The following SYNJ1 variants were observed in gnomAD, a reference collection of about 807,000 sequenced individuals.
SYNJ1 encodes the protein synaptojanin 1.
Under a neutral mutation model 168.2 loss-of-function variants are expected in SYNJ1, and 78 were observed. The ratio of observed to expected loss-of-function variants is 0.46; its 90% CI spans 0.39 to 0.56. The LOEUF (loss-of-function observed/expected upper bound fraction) is 0.56, where lower values mean the gene tolerates loss of function less well. SYNJ1 is among the 20% of genes least tolerant of loss of function. The probability of loss-of-function intolerance (pLI) is 0.00; values close to 1 mark genes in which losing one functional copy is unlikely to be tolerated. For synonymous variants in SYNJ1, 539 were observed against 548.6 expected (o/e 0.98, Z 0.24); for missense variants, 1,303 against 1,597.6 (o/e 0.82, Z 3.14).
Position 32,657,057 on chromosome 21 carries a change from G to A in SYNJ1, c.2525C>T (p.Thr842Ile), listed in dbSNP as rs370346211. The A allele has an allele frequency of 6.4e-5, 103 of 1,614,170 alleles. No homozygotes were observed. In the South Asian group the frequency reaches 1.1e-3, roughly 17 times the overall value. Reference sequence around the variant, plus strand: ...TCCATAGTGCAGCAAAGTGCCTGGAGTCCACGTGTACAGAATTTTGCTTTC... The same window carrying A: ...TCCATAGTGCAGCAAAGTGCCTGGAATCCACGTGTACAGAATTTTGCTTTC... ...QDESKILYTW[T>I]PGTLLHYGRA... Residue 842 changes from threonine to isoleucine, a missense_variant, in exon 20 of 33, where the codon ACT becomes ATT. Physicochemically the swap from Thr to Ile is moderately conservative, Grantham distance 89. Around this residue, in one of 2 missense-constraint regions of SYNJ1, gnomAD observed 920 missense variants for 1,208.8 expected, o/e 0.76. Transcript: ENST00000674351.
intron 23 of SYNJ1, 93 bp downstream of exon 23, chr21:32,650,085 CAAGAAG>C: frequency 1.4e-6 from 2 of 1,415,096 alleles, no homozygotes; most frequent in South Asian, 2.9e-5. Context: ...ATGTACGTCC[CAAGAAG>C]AAGAAGAAAG....
At position 32,681,611 on chromosome 21, in the gene SYNJ1, T is replaced by C. The variant is rs779235991; in HGVS notation, c.1238A>G (p.Glu413Gly). 6.2e-7 allele frequency: 1 copy of C among 1,613,890 alleles called. No individual in the cohort carries two copies. The highest frequency in any genetic ancestry group is 8.5e-7 in the Non-Finnish European group (1 of 1,179,850). Residue 413 changes from glutamate to glycine, a missense_variant, in exon 11 of 33, where the codon GAA becomes GGA. By Grantham distance (98) the Glu-to-Gly change is moderately conservative. Coordinates refer to ENST00000674351, the MANE Select transcript of SYNJ1 (RefSeq NM_203446.3). ...AKQLEALGLA[E>G]KPQLVTRFQE... ...AAAGCGAGTCACCAACTGAGGCTTT[T>C]CAGCTAAACCAAGAGCTTCCAACTG...
In SYNJ1 at chr21:32,639,077, G is replaced by A. The variant is rs149288077; in HGVS notation, c.3746C>T (p.Pro1249Leu). Reference protein sequence around the residue: ...EPLKPQAAFPPQSSLPPPAQR... With the variant: ...EPLKPQAAFPLQSSLPPPAQR... The stretch of plus-strand genomic sequence containing the variant: ...AGCAGGCGGGGGCAAAGAAGACTGC[G>A]GAGGAAAAGCAGCCTGAGGCTTCAG... Residue 1249 changes from proline to leucine, a missense_variant, in exon 31 of 33, where the codon CCG becomes CTG. Pro to Leu is a moderately conservative substitution (Grantham distance 98). Coordinates refer to ENST00000674351, the MANE Select transcript of SYNJ1 (RefSeq NM_203446.3). The A allele has an allele frequency of 2.0e-4, 323 of 1,614,034 alleles. 3 individuals carry two copies. The highest frequency in any genetic ancestry group is 9.7e-4 in the South Asian group (88 of 91,070).
chr21:32,727,917 A>G, intron 1 of SYNJ1, 29 bp downstream of exon 1: 2 of 1,531,528 alleles, frequency 1.3e-6, no homozygotes, highest in Non-Finnish European at 1.7e-6. Flanking sequence ...TGGCCGCAGC[A>G]GCTCCCCGCC....
At chr21:32,676,302 T>TTATTA in intron 13 of SYNJ1, 30 bp downstream of exon 13, 1 of 1,533,070 alleles carries the variant, frequency 6.5e-7, no homozygotes, top group Non-Finnish European at 8.8e-7. Flanking sequence ...AAAATTGCTT[T>TTATTA]TATTTATAGA....
At chr21:32,688,425 T>A in intron 6 of SYNJ1, 58 bp from the exon 7 acceptor site, 85 of 1,009,956 alleles carry the variant, frequency 8.4e-5, no homozygotes, top group Non-Finnish European at 1.2e-4. Context: ...ACGAAAGAAA[T>A]ATCACTGCTT....
At chr21:32,649,331 A>G (rs2040187818) in intron 23 of SYNJ1, among the ~76,000 whole-genome samples, 1 of 152,176 alleles carries the variant, frequency 6.6e-6, no homozygotes, top group Admixed American at 6.6e-5. Context: ...AAGACGTTCA[A>G]CTCTTAAATG....
At chr21:32,712,577 GAAGT>G (rs1364231297) in intron 2 of SYNJ1, among the ~76,000 whole-genome samples, 1 of 151,386 alleles carries the variant, frequency 6.6e-6, no homozygotes, top group Non-Finnish European at 1.5e-5. Context: ...ATTCACGCAA[GAAGT>G]ATTTATTGAA....
Position 32,676,419 on chromosome 21 carries a change from G to A in SYNJ1, c.1511-64C>T, listed in dbSNP as rs927413768. The A allele has an allele frequency of 5.4e-6, 8 of 1,494,606 alleles. No individual in the cohort carries two copies. The African/African-American group carries it at 7.0e-5, about 13-fold the overall frequency. 92.6% of individuals were successfully genotyped at this position (1,494,606 alleles called of 1,614,324 possible). The stretch of plus-strand genomic sequence containing the variant: ...AAAAACAAGTTACAATTAAAATGTT[G>A]AGTATAGTGACAAAACATTTTGAGA... On this transcript the variant is annotated intron_variant, in intron 12 of 32. Transcript: ENST00000674351.
At chr21:32,649,855 T>G (rs1166958068) in intron 23 of SYNJ1, among the ~76,000 whole-genome samples, 1 of 152,194 alleles carries the variant, frequency 6.6e-6, no homozygotes, top group East Asian at 1.9e-4. Context: ...GTTCATGCGA[T>G]TCTCCTGCCT....
At chr21:32,632,993 T>G (rs1002248701) in intron 32 of SYNJ1, among the ~76,000 whole-genome samples, 6 of 152,094 alleles carry the variant, frequency 3.9e-5, no homozygotes, top group African/African-American at 1.4e-4. Flanking sequence ...GCACTCCAGC[T>G]TGGGCAAGAG....
intron 15 of SYNJ1, 131 bp downstream of exon 15, chr21:32,670,155 GCT>G: frequency 1.6e-6 from 1 of 626,370 alleles, no homozygotes; most frequent in East Asian, 2.9e-5. Context: ...TATGAGAAAT[GCT>G]CTTTTACAGT....
chr21:32,706,740 T>A (rs529010797), intron 2 of SYNJ1, among the ~76,000 whole-genome samples: 3 of 152,278 alleles, frequency 2.0e-5, no homozygotes, highest in Non-Finnish European at 4.4e-5. Context: ...AAAAAAGATT[T>A]CCTTATTTTA....
At chr21:32,701,207 G>C (rs576366695) in intron 3 of SYNJ1, among the ~76,000 whole-genome samples, 39 of 152,210 alleles carry the variant, frequency 2.6e-4, no homozygotes, top group African/African-American at 8.7e-4. Flanking sequence ...CATAACAAAT[G>C]ACAAATCTCC....
Position 32,666,367 on chromosome 21 carries a change from T to C in SYNJ1, c.1952+66A>G, listed in dbSNP as rs1036584685. The C allele has an allele frequency of 6.4e-6, 10 of 1,555,230 alleles. No homozygotes were observed. In the African/African-American group the frequency reaches 1.2e-4, roughly 19 times the overall value. ...GTTTGAAGAACTGAAACAATAAACA[T>C]TCTAGGCTTTTTTCTTGTTATTTAA... On this transcript the variant is annotated intron_variant, in intron 16 of 32. Coordinates refer to ENST00000674351, the MANE Select transcript of SYNJ1 (RefSeq NM_203446.3).
At chr21:32,661,942 C>T (rs187862685) in intron 18 of SYNJ1, among the ~76,000 whole-genome samples, 9 of 152,262 alleles carry the variant, frequency 5.9e-5, no homozygotes, top group South Asian at 2.1e-4. Context: ...GCTTATTCTC[C>T]CCAGTTCACC....
intron 12 of SYNJ1, among the ~76,000 whole-genome samples, chr21:32,677,989 T>C (rs2041477968): frequency 6.6e-6 from 1 of 152,204 alleles, no homozygotes; most frequent in African/African-American, 2.4e-5. Flanking sequence ...GTCTAATCTA[T>C]TAAATTCTAC....
At chr21:32,706,271 C>T (rs911598182) in intron 2 of SYNJ1, among the ~76,000 whole-genome samples, 2 of 152,138 alleles carry the variant, frequency 1.3e-5, no homozygotes, top group Non-Finnish European at 2.9e-5. Context: ...AAAATGTACA[C>T]ATCTGAACTG....
chr21:32,639,053 G>T lies in SYNJ1; in HGVS notation c.3770C>A (p.Ala1257Asp), dbSNP rs780163347. ...GACAAGAGGCTCTTGCAACCTTTGA[G>T]CAGGCGGGGGCAAAGAAGACTGCGG... is the stretch of plus-strand genomic sequence containing the variant. ...FPPQSSLPPP[A>D]QRLQEPLVPV... The change falls in exon 31 of 33, where the codon GCT becomes GAT. Residue 1257 changes from alanine to aspartate, a missense_variant. Coordinates refer to ENST00000674351, the MANE Select transcript of SYNJ1 (RefSeq NM_203446.3). 1 of 1,614,094 alleles carries T rather than the reference G, an allele frequency of 6.2e-7. No individual in the cohort carries two copies. Among genetic ancestry groups the T allele is most frequent in the Non-Finnish European group, 8.5e-7 (1 of 1,179,988 alleles).
Sources: gnomAD v4.1 joint callset for allele counts (sites outside exome capture counted in the v4.1 genomes callset) on GRCh38, gnomAD v4.1.1 for gene constraint, gnomAD v4.1.1 regional missense constraint, MANE v1.5 for transcripts, NCBI Gene and HGNC (gene_info 2026-07-23, HGNC 2026-07-21) for gene names.